The following MYH1 variants were observed in gnomAD, a reference collection of about 807,000 sequenced individuals.
The protein encoded by MYH1 is myosin-1.
In MYH1, 214 loss-of-function variants were observed where a neutral mutation model predicts 225.6. The ratio of observed to expected loss-of-function variants is 0.95; its 90% CI spans 0.85 to 1.06. The LOEUF is 1.06. Among genes scored for constraint, MYH1 ranks in the 50% least tolerant of loss-of-function variants. The pLI is 0.00. For synonymous variants in MYH1, 774 were observed against 842.3 expected (o/e 0.92, Z 1.40); for missense variants, 2,098 against 2,344.2 (o/e 0.89, Z 2.17).
At position 10,512,541 on chromosome 17, in the gene MYH1, G is replaced by A. The variant is rs762276146; in HGVS notation, c.1014C>T (p.Ala338=). The A allele has an allele frequency of 1.2e-6, 2 of 1,614,058 alleles. No individual in the cohort carries two copies. The highest frequency in any genetic ancestry group is 1.7e-6 in the Non-Finnish European group (2 of 1,179,958). The change falls in exon 12 of 40, where the codon GCC becomes GCT. Residue 338 remains alanine, a synonymous_variant. Coordinates refer to ENST00000226207, the MANE Select transcript of MYH1 (RefSeq NM_005963.4). ...CTGAAGTAAAGCCCAGAATTTCAAT[G>A]GCACTCTACCATGAGAGATGAGAAG... ...DQEELMATDS[A]IEILGFTSDE...
chr17:10,505,534 T>C (rs769637826), intron 19 of MYH1, 23 bp from the exon 20 acceptor site: 2 of 1,609,924 alleles, frequency 1.2e-6, no homozygotes, highest in Non-Finnish European at 1.7e-6. Context: ...GACAAAAAAA[T>C]GATATGGCTG....
intron 15 of MYH1, 32 bp downstream of exon 15, chr17:10,509,453 T>C (rs1227318008): frequency 6.2e-7 from 1 of 1,614,050 alleles, no homozygotes; most frequent in South Asian, 1.1e-5. Context: ...TGTACAGCAG[T>C]ATGATCTGTG....
Position 10,516,618 on chromosome 17 carries a change from T to C in MYH1, c.25A>G (p.Ile9Val). 1 of 1,614,128 alleles carries C rather than the reference T, an allele frequency of 6.2e-7. No homozygotes were observed. The highest frequency in any genetic ancestry group is 2.2e-5 in the East Asian group (1 of 44,884). ...AGGAAAGGAGCAGCCTCCCCAAAAA[T>C]GGCCATCTCAGAGTCGGAACTCATG... is the stretch of plus-strand genomic sequence containing the variant. MSSDSEMA[I>V]FGEAAPFLRK... Residue 9 changes from isoleucine to valine, a missense_variant, in exon 3 of 40, where the codon ATT becomes GTT. Physicochemically the swap from Ile to Val is conservative, Grantham distance 29. Transcript: ENST00000226207.
chr17:10,513,680 T>A lies in MYH1; in HGVS notation c.751A>T (p.Ile251Phe). The change falls in exon 9 of 40, where the codon ATC becomes TTC. Residue 251 changes from isoleucine to phenylalanine, a missense_variant. Coordinates refer to ENST00000226207, the MANE Select transcript of MYH1 (RefSeq NM_005963.4). ...NDNSSRFGKF[I>F]RIHFGTTGKL... ...CCTGTGGTACCGAAGTGGATCCTGA[T>A]GAATTTACCCTTGTAAGTAAAAAAA... is the stretch of plus-strand genomic sequence containing the variant. 2 of 1,614,134 alleles carry A rather than the reference T, an allele frequency of 1.2e-6. No individual in the cohort carries two copies. Among genetic ancestry groups the A allele is most frequent in the Non-Finnish European group, 1.7e-6 (2 of 1,179,970 alleles).
At position 10,516,518 on chromosome 17, in the gene MYH1, T is replaced by A. The variant is rs747001035; in HGVS notation, c.125A>T (p.Asp42Val). Residue 42 changes from aspartate to valine, a missense_variant, in exon 3 of 40, where the codon GAC (aspartate) becomes GTC (valine). Asp to Val is a radical substitution (Grantham distance 152, BLOSUM62 -3). Transcript: ENST00000226207. ...TGCTTTCACAAAGGACTCCTTAGGG[T>A]CCACCACAAAGACTGATGTCTTGGC... ...FDAKTSVFVV[D>V]PKESFVKATV... The A allele has an allele frequency of 6.8e-6, 11 of 1,614,036 alleles. No individual in the cohort carries two copies. In the East Asian group the frequency reaches 1.3e-4, roughly 20 times the overall value.
intron 17 of MYH1, 152 bp downstream of exon 17, chr17:10,507,734 G>A: frequency 1.6e-6 from 1 of 629,086 alleles, no homozygotes; most frequent in Non-Finnish European, 2.8e-6. Context: ...CTATCCTCAA[G>A]CTCCCTAAAA....
At chr17:10,518,119 A>G (rs1345112546) in intron 2 of MYH1, 121 bp downstream of exon 2, 2 of 152,106 alleles carry the variant, frequency 1.3e-5, no homozygotes, top group African/African-American at 2.4e-5. Flanking sequence ...GTGATCAACC[A>G]TGAAATGGAA....
chr17:10,497,398 A>C lies in MYH1; in HGVS notation c.4420T>G (p.Ser1474Ala). ...CEETHAELEA[S>A]QKESRSLSTE... The stretch of plus-strand genomic sequence containing the variant: ...CTGAGTGAGCGGGATTCCTTTTGAG[A>C]AGCTTCAAGTTCAGCATGAGTTTCT... Residue 1474 changes from serine to alanine, a missense_variant, in exon 32 of 40, where the codon TCT becomes GCT. Ser to Ala is a moderately conservative substitution (Grantham distance 99). Coordinates refer to ENST00000226207, the MANE Select transcript of MYH1 (RefSeq NM_005963.4). The C allele has an allele frequency of 6.2e-7, 1 of 1,613,554 alleles. No individual in the cohort carries two copies. The highest frequency in any genetic ancestry group is 8.5e-7 in the Non-Finnish European group (1 of 1,179,922).
rs113094707 is a variant in MYH1 at position 10,494,395 on chromosome 17, G to A, written c.5626C>T (p.Gln1876Ter). ...CTCTTGTAGGATTTCACCTTTGCTT[G>A]CAGTTTGTCCACCAGGTCCTGGAGC... ...LRLQDLVDKL[Q>*]AKVKSYKRQA... The change falls in exon 39 of 40, where the codon CAA becomes TAA. Residue 1876 changes from glutamine (Q) to a stop codon, truncating the protein, a stop_gained. Transcript: ENST00000226207. LOFTEE classifies it high-confidence loss of function. 2 of 1,614,128 alleles carry A rather than the reference G, an allele frequency of 1.2e-6. No homozygotes were observed.
chr17:10,517,920 T>C (rs187410333), intron 2 of MYH1, among the ~76,000 whole-genome samples: 2,384 of 152,334 alleles, frequency 0.016, 32 homozygotes, highest in Non-Finnish European at 0.023. Context: ...AGTAACACTT[T>C]GAAATGTTAC....
intron 12 of MYH1, 44 bp downstream of exon 12, chr17:10,512,364 G>T (rs1457022119): frequency 1.9e-6 from 3 of 1,613,824 alleles, no homozygotes; most frequent in Non-Finnish European, 2.5e-6. Context: ...GGACATTTTT[G>T]CCTATATTCT....
chr17:10,512,310 G>A, intron 12 of MYH1, 98 bp downstream of exon 12: 3 of 1,596,210 alleles, frequency 1.9e-6, no homozygotes, highest in Admixed American at 3.3e-5. Flanking sequence ...ATCTGAGTAT[G>A]TCCATCAGGA....
rs745728200 is a variant in MYH1, at chr17:10,501,788, G to A, written c.3235C>T (p.Gln1079Ter). 16 of 1,613,538 alleles carry A rather than the reference G, an allele frequency of 9.9e-6. No homozygotes were observed. In the South Asian group the frequency reaches 1.4e-4, roughly 14 times the overall value. The change falls in exon 25 of 40, where the codon CAA (glutamine) becomes TAA (stop). Residue 1079 changes from glutamine to a stop codon, truncating the protein, a stop_gained. Transcript: ENST00000226207. LOFTEE classifies it high-confidence loss of function. ...STMDIENDKQQLDEKLKKKEF... is the reference protein window; with the variant it reads ...STMDIENDKQ ...TACTTTTTAAGCTTTTCATCAAGTT[G>A]TTGTTTGTCATTTTCTATATCCATT... is the stretch of plus-strand genomic sequence containing the variant.
intron 12 of MYH1, 100 bp from the exon 13 acceptor site, chr17:10,512,292 G>T: frequency 1.9e-6 from 3 of 1,590,550 alleles, no homozygotes; most frequent in Non-Finnish European, 1.7e-6. Flanking sequence ...AAGTCTGTGT[G>T]TGGGTACATC....
At position 10,497,429 on chromosome 17, in the gene MYH1, C is replaced by G. The variant is rs142538104; in HGVS notation, c.4389G>C (p.Lys1463Asn). ...FDKILAEWKQKCEETHAELEA... is the reference protein window; with the variant it reads ...FDKILAEWKQNCEETHAELEA... ...CAAGTTCAGCATGAGTTTCTTCACA[C>G]TTCTGTTTCCATTCTGCCAGGATCT... Residue 1463 changes from lysine to asparagine, a missense_variant, in exon 32 of 40, where the codon AAG becomes AAC. Transcript: ENST00000226207. 1.2e-5 allele frequency: 19 copies of G among 1,607,548 alleles called. No individual in the cohort carries two copies. Among genetic ancestry groups the G allele is most frequent in the Non-Finnish European group, 1.6e-5 (19 of 1,178,642 alleles).
At position 10,512,943 on chromosome 17, in the gene MYH1, A is replaced by G. The variant is rs1250659463; in HGVS notation, c.828T>C (p.Val276=). The part of the protein sequence containing the change: ...IETYLLEKSR[V]TFQLKAERSY... ...TTCTTTCAGCCTTTAGCTGGAAAGTAACTCTAGACTTCTCCAGAAGATCTG... is the reference window on the plus strand; with the variant it reads ...TTCTTTCAGCCTTTAGCTGGAAAGTGACTCTAGACTTCTCCAGAAGATCTG... Residue 276 remains valine (V), a synonymous_variant, in exon 10 of 40, where the codon GTT becomes GTC. Transcript: ENST00000226207. 2 of 1,613,130 alleles carry G rather than the reference A, an allele frequency of 1.2e-6. No homozygotes were observed. Among genetic ancestry groups the G allele is most frequent in the Non-Finnish European group, 1.7e-6 (2 of 1,179,282 alleles).
In MYH1 at chr17:10,497,372, G is replaced by A; in HGVS notation, c.4446C>T (p.Ser1482=). ...EASQKESRSL[S]TELFKIKNAY... is the part of the protein sequence containing the mutation. ...CATTCTTAATCTTAAATAGTTCTGTGCTGAGTGAGCGGGATTCCTTTTGAG... is the reference window on the plus strand; with the variant it reads ...CATTCTTAATCTTAAATAGTTCTGTACTGAGTGAGCGGGATTCCTTTTGAG... Residue 1482 remains serine (S), a synonymous_variant, in exon 32 of 40, where the codon AGC becomes AGT. Transcript: ENST00000226207. 1 of 1,613,840 alleles carries A rather than the reference G, an allele frequency of 6.2e-7. No homozygotes were observed. The highest frequency in any genetic ancestry group is 2.2e-5 in the East Asian group (1 of 44,880).
intron 17 of MYH1, among the ~76,000 whole-genome samples, chr17:10,507,203 C>T (rs2073121447): frequency 6.6e-6 from 1 of 151,982 alleles, no homozygotes; most frequent in African/African-American, 2.4e-5. Flanking sequence ...GCTGGGATTA[C>T]AGGTGTGCAC....
intron 28 of MYH1, among the ~76,000 whole-genome samples, chr17:10,500,249 A>G (rs958437678): frequency 5.9e-5 from 9 of 152,180 alleles, no homozygotes; most frequent in African/African-American, 2.2e-4. Flanking sequence ...AAAAGTGAAA[A>G]GAGGTACTGT....
Sources: gnomAD v4.1 joint callset for allele counts (sites outside exome capture counted in the v4.1 genomes callset) on GRCh38, gnomAD v4.1.1 for gene constraint, MANE v1.5 for transcripts, NCBI Gene and HGNC (gene_info 2026-07-23, HGNC 2026-07-21) for gene names.